The following AGBL4 variants were observed in gnomAD, a reference collection of about 807,000 sequenced individuals.
The protein encoded by AGBL4 is cytosolic carboxypeptidase 6.
A neutral mutation model predicts 66.4 loss-of-function variants in AGBL4; 58 were observed. That is an observed-to-expected ratio of 0.87 (90% CI 0.71 to 1.09). The LOEUF (loss-of-function observed/expected upper bound fraction) is 1.09. Among genes scored for constraint, AGBL4 ranks in the 50% least tolerant of loss-of-function variants. AGBL4 has a pLI of 0.00. For synonymous variants in AGBL4, 234 were observed against 222.9 expected (o/e 1.05, Z -0.44); for missense variants, 579 against 631.0 (o/e 0.92, Z 0.88).
At chr1:49,668,749 G>C (rs138883734) in intron 3 of AGBL4, among the ~76,000 whole-genome samples, 4 of 152,276 alleles carry the variant, frequency 2.6e-5, no homozygotes, top group African/African-American at 9.6e-5. Flanking sequence ...ATCAGTCCCT[G>C]TTTTAAAGAA....
chr1:49,764,387 C>G (rs1438413430), intron 2 of AGBL4, among the ~76,000 whole-genome samples: 1 of 152,140 alleles, frequency 6.6e-6, no homozygotes, highest in East Asian at 1.9e-4. Context: ...AACCAAACCC[C>G]CACAGGCCTA....
At chr1:50,019,304 T>A (rs35732626) in intron 1 of AGBL4, among the ~76,000 whole-genome samples, 9,946 of 45,894 alleles carry the variant, frequency 0.22, 485 homozygotes, top group East Asian at 0.38. Context: ...TCTCTCTCTC[T>A]CTCACACACA....
intron 2 of AGBL4, among the ~76,000 whole-genome samples, chr1:49,811,839 G>A (rs1451496617): frequency 6.6e-6 from 1 of 152,046 alleles, no homozygotes. Context: ...AGAGAACCAA[G>A]GTCCACAAAA....
chr1:48,758,696 C>G (rs1570546451), intron 6 of AGBL4, among the ~76,000 whole-genome samples: 3 of 152,316 alleles, frequency 2.0e-5, no homozygotes, highest in Admixed American at 6.5e-5. Context: ...GTTCCCATAG[C>G]TGAGGCTGCT....
intron 4 of AGBL4, among the ~76,000 whole-genome samples, chr1:49,118,773 T>C (rs1318171765): frequency 6.6e-6 from 1 of 152,230 alleles, no homozygotes; most frequent in Non-Finnish European, 1.5e-5. Context: ...GATGGAATGG[T>C]ACCAGCACCT....
chr1:48,642,020 C>A (rs1645764244), intron 8 of AGBL4, among the ~76,000 whole-genome samples: 1 of 152,142 alleles, frequency 6.6e-6, no homozygotes, highest in South Asian at 2.1e-4. Flanking sequence ...AAGTTGCAAT[C>A]AGGTGCCATT....
At chr1:49,362,758 A>G (rs184724250) in intron 3 of AGBL4, among the ~76,000 whole-genome samples, 19 of 152,292 alleles carry the variant, frequency 1.2e-4, no homozygotes, top group African/African-American at 3.8e-4. Flanking sequence ...CTCCATTTGC[A>G]GGTCCCAAAG....
chr1:48,602,289 C>T (rs1346358046), intron 9 of AGBL4, among the ~76,000 whole-genome samples: 2 of 152,210 alleles, frequency 1.3e-5, no homozygotes, highest in Non-Finnish European at 2.9e-5. Context: ...CCTTCTCTCT[C>T]TCTGGACTTC....
At chr1:49,308,213 C>G (rs1487371730) in intron 3 of AGBL4, among the ~76,000 whole-genome samples, 1 of 152,070 alleles carries the variant, frequency 6.6e-6, no homozygotes, top group Non-Finnish European at 1.5e-5. Context: ...TATAAATTAC[C>G]CAGTCTCAGG....
chr1:49,998,452 C>T (rs1660516464), intron 1 of AGBL4, among the ~76,000 whole-genome samples: 1 of 151,842 alleles, frequency 6.6e-6, no homozygotes, highest in African/African-American at 2.4e-5. Context: ...TTTAAAATTG[C>T]CAACAAAAAT....
chr1:49,490,082 G>T (rs1647157327), intron 3 of AGBL4, among the ~76,000 whole-genome samples: 1 of 151,760 alleles, frequency 6.6e-6, no homozygotes, highest in Admixed American at 6.6e-5. Context: ...TCAAATAGAG[G>T]TAGTGGCAGC....
intron 2 of AGBL4, among the ~76,000 whole-genome samples, chr1:49,786,655 A>C (rs1644462121): frequency 1.3e-5 from 2 of 152,194 alleles, no homozygotes; most frequent in African/African-American, 4.8e-5. Context: ...TTTACCTAAG[A>C]TGATAAATTT....
At position 48,649,461 on chromosome 1, in the gene AGBL4, C is replaced by T. The variant is rs74400320; in HGVS notation, c.839+3876G>A. 2.7e-3 allele frequency among the ~76,000 whole-genome samples: 411 copies of T among 152,266 alleles called. 1 individual carries two copies. Among genetic ancestry groups the T allele is most frequent in the African/African-American group, 9.0e-3 (372 of 41,542 alleles). ...TAATTGTTAAAGATAGCTACTATAG[C>T]GTATACTATAGTTACTATATATTGC... On this transcript the variant is annotated intron_variant, in intron 8 of 13. Coordinates refer to ENST00000371839, the MANE Select transcript of AGBL4 (RefSeq NM_032785.4).
At position 49,395,578 on chromosome 1, in the gene AGBL4, AC is replaced by A. The variant is rs541417610; in HGVS notation, c.283-149715del. 2.8e-3 allele frequency among the ~76,000 whole-genome samples: 414 copies of A among 148,758 alleles called. 2 individuals carry two copies. Among genetic ancestry groups the A allele is most frequent in the Non-Finnish European group, 4.2e-3 (281 of 67,048 alleles). On this transcript the variant is annotated intron_variant, in intron 3 of 13. Coordinates refer to ENST00000371839, the MANE Select transcript of AGBL4 (RefSeq NM_032785.4). ...TGTGTGTGTGTGATATTATATATATACATGTGTGTGTGTCTGTGTGTGTAGT... is the reference window on the plus strand; with the variant it reads ...TGTGTGTGTGTGATATTATATATATAATGTGTGTGTGTCTGTGTGTGTAGT...
intron 6 of AGBL4, among the ~76,000 whole-genome samples, chr1:48,865,252 C>G (rs2148822544): frequency 6.6e-6 from 1 of 152,222 alleles, no homozygotes; most frequent in African/African-American, 2.4e-5. Flanking sequence ...ATAGAGTCAT[C>G]CAGATAATAG....
intron 2 of AGBL4, among the ~76,000 whole-genome samples, chr1:49,703,422 A>C (rs961689663): frequency 6.6e-6 from 1 of 152,026 alleles, no homozygotes; most frequent in Non-Finnish European, 1.5e-5. Context: ...TTAAAAAGCA[A>C]GCAACATAAT....
rs1354042603 is a variant in AGBL4 at position 49,596,173 on chromosome 1, CT to C, written c.282+101139del. 2.0e-5 allele frequency among the ~76,000 whole-genome samples: 3 copies of C among 152,120 alleles called. No individual in the cohort carries two copies. The East Asian group carries it at 5.8e-4, about 29-fold the overall frequency. Reference sequence around the variant, plus strand: ...TACTTCTGCAGGAAACATGGAGGTCCTTTGTTTGTTTGAGACAGACTGTCAC... The same window carrying C: ...TACTTCTGCAGGAAACATGGAGGTCCTTGTTTGTTTGAGACAGACTGTCAC... On this transcript the variant is annotated intron_variant, in intron 3 of 13. Transcript: ENST00000371839.
At chr1:49,743,255 C>T (rs1346775167) in intron 2 of AGBL4, among the ~76,000 whole-genome samples, 1 of 152,160 alleles carries the variant, frequency 6.6e-6, no homozygotes, top group Non-Finnish European at 1.5e-5. Flanking sequence ...TATGAACAGA[C>T]ACTTCTCAAA....
rs188116257 is a variant in AGBL4 at position 48,906,945 on chromosome 1, T to C, written c.595-39715A>G. Among the ~76,000 whole-genome samples, 146 of 152,306 alleles carry C rather than the reference T, an allele frequency of 9.6e-4. 2 individuals carry two copies. The highest frequency in any genetic ancestry group is 3.7e-3 in the Admixed American group (57 of 15,302). On this transcript the variant is annotated intron_variant, in intron 5 of 13. Transcript: ENST00000371839. Reference sequence around the variant, plus strand: ...TCTGTACATCTGAGCTGAGTTTACATCAACTGTGAAAAACAGCCAGGCCTG... The same window carrying C: ...TCTGTACATCTGAGCTGAGTTTACACCAACTGTGAAAAACAGCCAGGCCTG...
Sources: allele counts gnomAD v4.1 joint callset (sites outside exome capture counted in the v4.1 genomes callset), GRCh38; gene constraint gnomAD v4.1.1; transcripts MANE v1.5; gene names NCBI Gene and HGNC (gene_info 2026-07-23, HGNC 2026-07-21).